The following ZNF473 variants were observed in gnomAD, a reference collection of about 807,000 sequenced individuals.
The protein encoded by ZNF473 is zinc finger protein 100 homolog.
ZNF473 carries 4 observed loss-of-function variants against 11.1 expected under a neutral mutation model. The ratio of observed to expected loss-of-function variants is 0.36; its 90% CI spans 0.18 to 0.82. The LOEUF is 0.82. Among genes scored for constraint, ZNF473 ranks in the 40% least tolerant of loss-of-function variants. ZNF473 has a pLI of 0.49. For synonymous variants in ZNF473, 404 were observed against 390.4 expected (o/e 1.03, Z -0.41); for missense variants, 854 against 1,084.0 (o/e 0.79, Z 2.98).
At chr19:50,033,957 G>A (rs963752847) in intron 2 of ZNF473, among the ~76,000 whole-genome samples, 26 of 152,196 alleles carry the variant, frequency 1.7e-4, no homozygotes, top group African/African-American at 5.6e-4. Flanking sequence ...CTTTCGCCAT[G>A]TAAGATAATA....
chr19:50,027,181 C>T (rs960174357), intron 1 of ZNF473, among the ~76,000 whole-genome samples: 6 of 152,082 alleles, frequency 3.9e-5, no homozygotes, highest in Non-Finnish European at 5.9e-5. Flanking sequence ...CCCCACACCC[C>T]GAGGAATCTG....
chr19:50,041,518 G>C, intron 3 of ZNF473: 1 of 392,858 alleles, frequency 2.5e-6, no homozygotes, highest in South Asian at 4.9e-5. Context: ...GATCACCCTG[G>C]ATTGTGATTG....
At chr19:50,031,200 C>G in intron 2 of ZNF473, 109 bp downstream of exon 2, 1 of 1,431,496 alleles carries the variant, frequency 7.0e-7, no homozygotes, top group Non-Finnish European at 9.6e-7. Context: ...ATTGGTCACC[C>G]CCATGGCAGG....
At position 50,030,942 on chromosome 19, in the gene ZNF473, CGTCAGCATGGACAGCGA is replaced by C; in HGVS notation, c.-134_-118del. ...CCTCCTCCTGGACATTTTGGGGGCT[CGTCAGCATGGACAGCGA>C]GTCAGCCATGGGTGGAAGGGAGGCT... On this transcript the variant is annotated 5_prime_UTR_variant, in exon 2 of 5. The change abolishes an upstream ATG in the 5' untranslated region. Transcript: ENST00000270617. The C allele has an allele frequency of 8.0e-7, 1 of 1,257,182 alleles. No homozygotes were observed. The allele number at this position is 1,257,182 out of a possible 1,614,324, so 77.9% of individuals were successfully genotyped here.
At position 50,047,080 on chromosome 19, in the gene ZNF473, C is replaced by T. The variant is rs1362432685; in HGVS notation, c.*21C>T. The T allele has an allele frequency of 6.3e-7, 1 of 1,580,904 alleles. No homozygotes were observed. Among genetic ancestry groups the T allele is most frequent in the Admixed American group, 1.7e-5 (1 of 58,782 alleles). ...TGTAGCCATTGGGTGGCAGCAGAGT[C>T]CCAGAATATGAGACCGTTACTCGGA... On this transcript the variant is annotated 3_prime_UTR_variant, in exon 5 of 5. Coordinates refer to ENST00000270617, the MANE Select transcript of ZNF473 (RefSeq NM_015428.4).
intron 4 of ZNF473, chr19:50,043,416 G>A (rs1311422696): frequency 1.2e-4 from 16 of 131,192 alleles, no homozygotes; most frequent in African/African-American, 4.7e-4. Context: ...TGGGCAACAG[G>A]GCAAGACTCA....
chr19:50,036,305 A>C (rs1324845302), intron 2 of ZNF473, among the ~76,000 whole-genome samples: 1 of 136,214 alleles, frequency 7.3e-6, no homozygotes, highest in Non-Finnish European at 1.5e-5. Flanking sequence ...CTGTATTAAG[A>C]GGTGGGGCCT....
intron 2 of ZNF473, among the ~76,000 whole-genome samples, chr19:50,038,579 A>G (rs555363777): frequency 2.0e-4 from 30 of 152,166 alleles, no homozygotes; most frequent in Non-Finnish European, 3.7e-4. Context: ...GCACAGCGGT[A>G]CAGCTGTAGA....
At chr19:50,038,009 A>ATT (rs11462425) in intron 2 of ZNF473, among the ~76,000 whole-genome samples, 19,145 of 134,890 alleles carry the variant, frequency 0.14, 1,824 homozygotes, top group East Asian at 0.45. Context: ...ATAGTAGAAA[A>ATT]TTTTTTTTTT....
rs1979238463 is a variant in ZNF473, at chr19:50,048,028, C to G, written c.*969C>G. On this transcript the variant is annotated 3_prime_UTR_variant, in exon 5 of 5. Transcript: ENST00000270617. ...TTATCCAGGATGGCCGCTCACCAGG[C>G]AATTTGCTAGGCTCGGGGGCGGGTA... 1 of 152,230 alleles carries G rather than the reference C, an allele frequency of 6.6e-6. No individual in the cohort carries two copies. The highest frequency in any genetic ancestry group is 2.1e-4 in the South Asian group (1 of 4,834). The allele number at this position is 152,230 out of a possible 1,614,324, so 9.4% of individuals were successfully genotyped here.
chr19:50,042,623 C>T (rs1978838627), intron 4 of ZNF473: 1 of 152,238 alleles, frequency 6.6e-6, no homozygotes, highest in African/African-American at 2.4e-5. Flanking sequence ...CATAGGTAGC[C>T]ATGCCTTTAC....
At chr19:50,038,559 G>A (rs1978598315) in intron 2 of ZNF473, among the ~76,000 whole-genome samples, 1 of 152,190 alleles carries the variant, frequency 6.6e-6, no homozygotes, top group African/African-American at 2.4e-5. Flanking sequence ...GAGCATGGAG[G>A]ATGTAGAAGG....
rs767898089 is a variant in ZNF473, at chr19:50,044,767, G to T, written c.324G>T (p.Trp108Cys). Reference protein sequence around the residue: ...IIEMLSKDGFWNSNFGEACIE... With the variant: ...IIEMLSKDGFCNSNFGEACIE... ...AGATGTTATCCAAGGATGGCTTCTG[G>T]AACTCCAATTTCGGAGAAGCCTGTA... The change falls in exon 5 of 5, where the codon TGG becomes TGT. Residue 108 changes from tryptophan (W) to cysteine (C), a missense_variant. Transcript: ENST00000270617. 6.2e-7 allele frequency: 1 copy of T among 1,614,182 alleles called. No individual in the cohort carries two copies. Among genetic ancestry groups the T allele is most frequent in the Non-Finnish European group, 8.5e-7 (1 of 1,180,026 alleles).
intron 2 of ZNF473, among the ~76,000 whole-genome samples, chr19:50,034,148 G>A (rs567588886): frequency 8.5e-5 from 13 of 152,256 alleles, no homozygotes; most frequent in African/African-American, 3.1e-4. Flanking sequence ...AGCTGTTCAG[G>A]CTAAAAACGT....
intron 2 of ZNF473, among the ~76,000 whole-genome samples, chr19:50,033,612 A>G (rs1263884538): frequency 1.3e-5 from 2 of 152,186 alleles, no homozygotes; most frequent in Non-Finnish European, 2.9e-5. Context: ...TTGTGGGCTT[A>G]AAAACAACAC....
At chr19:50,038,278 A>G (rs1978580612) in intron 2 of ZNF473, among the ~76,000 whole-genome samples, 1 of 150,982 alleles carries the variant, frequency 6.6e-6, no homozygotes, top group East Asian at 1.9e-4. Context: ...AACACTTATT[A>G]ACTAGGAAAG....
Position 50,046,191 on chromosome 19 carries a change from T to G in ZNF473, c.1748T>G (p.Ile583Ser). ...CSKYLTQHER[I>S]HTRGVKPFEC... Reference sequence around the variant, plus strand: ...AAATACCTAACTCAGCACGAGAGGATTCACACCAGGGGAGTGAAGCCCTTT... The same window carrying G: ...AAATACCTAACTCAGCACGAGAGGAGTCACACCAGGGGAGTGAAGCCCTTT... The change falls in exon 5 of 5, where the codon ATT becomes AGT. Residue 583 changes from isoleucine (I) to serine (S), a missense_variant. Transcript: ENST00000270617. The surrounding 1 kb of genome is among the most constrained non-coding windows in gnomAD (Gnocchi z 5.9). 1.9e-6 allele frequency: 3 copies of G among 1,614,186 alleles called. No homozygotes were observed. The highest frequency in any genetic ancestry group is 2.5e-6 in the Non-Finnish European group (3 of 1,180,032).
intron 2 of ZNF473, among the ~76,000 whole-genome samples, chr19:50,038,522 C>T (rs2122829829): frequency 6.6e-6 from 1 of 152,318 alleles, no homozygotes; most frequent in East Asian, 1.9e-4. Context: ...CAGCTTGCCA[C>T]ACTCAGAACA....
chr19:50,046,239 C>G lies in ZNF473; in HGVS notation c.1796C>G (p.Ala599Gly), dbSNP rs561126112. The G allele has an allele frequency of 8.1e-6, 13 of 1,614,172 alleles. No individual in the cohort carries two copies. The East Asian group carries it at 8.9e-5, about 11-fold the overall frequency. ...KPFECDQCGKAFGQSTRLIHH... is the reference protein window; with the variant it reads ...KPFECDQCGKGFGQSTRLIHH... ...TTTGAATGTGACCAGTGTGGGAAAGCCTTTGGCCAAAGTACTCGGCTCATT... is the reference window on the plus strand; with the variant it reads ...TTTGAATGTGACCAGTGTGGGAAAGGCTTTGGCCAAAGTACTCGGCTCATT... Residue 599 changes from alanine (A) to glycine (G), a missense_variant, in exon 5 of 5, where the codon GCC (alanine) becomes GGC (glycine). Transcript: ENST00000270617. The surrounding 1 kb of genome is among the most constrained non-coding windows in gnomAD (Gnocchi z 5.9).
Sources: gnomAD v4.1 joint callset for allele counts (sites outside exome capture counted in the v4.1 genomes callset) on GRCh38, gnomAD v4.1.1 for gene constraint, Gnocchi (gnomAD v3.1) non-coding constraint, MANE v1.5 for transcripts, NCBI Gene and HGNC (gene_info 2026-07-23, HGNC 2026-07-21) for gene names.